CDC42BPB: variants seen among roughly 807,000 people sequenced by gnomAD.
CDC42BPB encodes serine/threonine-protein kinase MRCK beta.
Under a neutral mutation model 214.9 loss-of-function variants are expected in CDC42BPB, and 37 were observed. The observed-to-expected ratio is 0.17, with a 90% confidence interval of 0.13 to 0.23. The LOEUF (loss-of-function observed/expected upper bound fraction) is 0.23, where lower values mean the gene tolerates loss of function less well. Ranked by LOEUF, CDC42BPB falls within the 10% of genes least tolerant of loss-of-function variation. The pLI is 1.00. For synonymous variants in CDC42BPB, 931 were observed against 884.0 expected, an observed-to-expected ratio of 1.05 and a Z score of -0.94; for missense variants, 1,694 against 2,227.0, an observed-to-expected ratio of 0.76 and a Z score of 4.82.
At position 102,972,060 on chromosome 14, in the gene CDC42BPB, G is replaced by T. The variant is rs778791236; in HGVS notation, c.1743C>A (p.Asn581Lys). 4 of 1,614,244 alleles carry T rather than the reference G, an allele frequency of 2.5e-6. No individual in the cohort carries two copies. The highest frequency in any genetic ancestry group is 3.4e-6 in the Non-Finnish European group (4 of 1,180,050). The change falls in exon 13 of 37, where the codon AAC becomes AAA. Residue 581 changes from asparagine (N) to lysine (K), a missense_variant. Physicochemically the swap from Asn to Lys is moderately conservative, Grantham distance 94. Transcript: ENST00000361246. Reference sequence around the variant, plus strand: ...GGGCACGGAGCTCTGCCATGCGCTCGTTCAGCTCCGAGAACTCCTGCAGGG... The same window carrying T: ...GGGCACGGAGCTCTGCCATGCGCTCTTTCAGCTCCGAGAACTCCTGCAGGG... ...KLALQEFSELNERMAELRAQK... is the reference protein window; with the variant it reads ...KLALQEFSELKERMAELRAQK...
At chr14:103,012,221 T>C in intron 1 of CDC42BPB, 33 bp from the exon 2 acceptor site, 2 of 1,565,718 alleles carry the variant, frequency 1.3e-6, no homozygotes, top group Non-Finnish European at 1.8e-6. Context: ...AACAATTTAG[T>C]CTAATCAGTT....
At position 102,959,687 on chromosome 14, in the gene CDC42BPB, C is replaced by A. The variant is rs1469832334; in HGVS notation, c.2845G>T (p.Asp949Tyr). The A allele has an allele frequency of 6.2e-6, 10 of 1,612,220 alleles. No homozygotes were observed. Among genetic ancestry groups the A allele is most frequent in the Non-Finnish European group, 8.5e-6 (10 of 1,179,508 alleles). Residue 949 changes from aspartate (D) to tyrosine (Y), a missense_variant, in exon 21 of 37, where the codon GAT becomes TAT. Physicochemically the swap from Asp to Tyr is radical, Grantham distance 160 (BLOSUM62 -3). Around this residue, in one of 7 missense-constraint regions of CDC42BPB, gnomAD observed 156 missense variants for 154.5 expected, o/e 1.01. Transcript: ENST00000361246. ...DTGLKLPDFQ[D>Y]SIFEYFNTAP... is the part of the protein sequence containing the mutation. ...GTGTTGAAATACTCAAAAATGGAAT[C>A]CTGAAAATCTGGAAGTTTGAGCCCT...
intron 1 of CDC42BPB, among the ~76,000 whole-genome samples, chr14:103,031,563 G>A (rs1887377356): frequency 1.3e-5 from 2 of 152,142 alleles, no homozygotes; most frequent in South Asian, 2.1e-4. Context: ...ATACTACCAG[G>A]GTTTATTTGA....
chr14:103,047,424 T>A (rs1888355147), intron 1 of CDC42BPB, among the ~76,000 whole-genome samples: 1 of 151,982 alleles, frequency 6.6e-6, no homozygotes, highest in Non-Finnish European at 1.5e-5. Context: ...CCTGAAAGCT[T>A]CCAGAGATTT....
At chr14:102,946,121 G>A (rs921300011) in intron 28 of CDC42BPB, among the ~76,000 whole-genome samples, 3 of 152,066 alleles carry the variant, frequency 2.0e-5, no homozygotes, top group Non-Finnish European at 4.4e-5. Context: ...CTGTTCTCCC[G>A]CCTCAGTCTC....
chr14:102,964,270 A>G (rs1224012196), intron 19 of CDC42BPB, among the ~76,000 whole-genome samples: 1 of 152,118 alleles, frequency 6.6e-6, no homozygotes, highest in Non-Finnish European at 1.5e-5. Flanking sequence ...GCACCGCACC[A>G]CACCCCCCCG....
intron 7 of CDC42BPB, 150 bp downstream of exon 7, chr14:102,983,406 A>C: frequency 8.2e-7 from 1 of 1,219,908 alleles, no homozygotes. Context: ...GTCTACTCCA[A>C]TCTGCCTGTC....
chr14:103,032,535 C>CAAAA (rs570009408), intron 1 of CDC42BPB, among the ~76,000 whole-genome samples: 4 of 45,028 alleles, frequency 8.9e-5, no homozygotes, highest in Non-Finnish European at 2.4e-4. Context: ...AAATAAACTG[C>CAAAA]AAAAAAAAAA....
intron 6 of CDC42BPB, among the ~76,000 whole-genome samples, chr14:102,985,624 G>A (rs973281642): frequency 7.9e-5 from 12 of 152,216 alleles, no homozygotes; most frequent in African/African-American, 2.9e-4. Context: ...CTTATAAAAC[G>A]CTGTCAACTG....
At chr14:102,956,491 AG>A in intron 21 of CDC42BPB, 1 of 909,430 alleles carries the variant, frequency 1.1e-6, no homozygotes, top group Non-Finnish European at 1.3e-6. Flanking sequence ...CCCCTGATGG[AG>A]GGTTTTTTCT....
chr14:102,999,776 A>G lies in CDC42BPB; in HGVS notation c.448-63T>C. The G allele has an allele frequency of 2.5e-6, 4 of 1,594,928 alleles. No homozygotes were observed. In the Admixed American group the frequency reaches 6.8e-5, roughly 27 times the overall value. ...TTAGTCACCACTAAACCTGACAGTT[A>G]CAGGCCAGTCTTCCATGGCGAGGTT... On this transcript the variant is annotated intron_variant, in intron 4 of 36. Coordinates refer to ENST00000361246, the MANE Select transcript of CDC42BPB (RefSeq NM_006035.4).
chr14:103,000,143 T>A (rs957818510), intron 4 of CDC42BPB, among the ~76,000 whole-genome samples: 12 of 152,220 alleles, frequency 7.9e-5, no homozygotes, highest in Non-Finnish European at 1.8e-4. Flanking sequence ...ACACATGGTA[T>A]CAGCAGTTCT....
In CDC42BPB at chr14:102,975,821, A is replaced by G. The variant is rs1893713825; in HGVS notation, c.1388-18T>C. On this transcript the variant is annotated intron_variant, in intron 10 of 36. Transcript: ENST00000361246. ...GGTGGACTCTGAGGGATGGAGAGAC[A>G]GCGTGAGGTGCAGCCTGGCCGCAGC... 6 of 1,614,020 alleles carry G rather than the reference A, an allele frequency of 3.7e-6. No homozygotes were observed. The highest frequency in any genetic ancestry group is 4.2e-6 in the Non-Finnish European group (5 of 1,179,980).
In CDC42BPB at chr14:103,043,443, G is replaced by A. The variant is rs548962346; in HGVS notation, c.175+13556C>T. The stretch of plus-strand genomic sequence containing the variant: ...TCATGAAAGACCCATATTATATGAC[G>A]CCACTTACAGAAAATACCCAGAACA... On this transcript the variant is annotated intron_variant, in intron 1 of 36. Coordinates refer to ENST00000361246, the MANE Select transcript of CDC42BPB (RefSeq NM_006035.4). Among the ~76,000 whole-genome samples the A allele has an allele frequency of 6.6e-5, 10 of 152,208 alleles. No homozygotes were observed. The East Asian group carries it at 1.5e-3, about 23-fold the overall frequency.
At chr14:102,980,697 T>C in intron 8 of CDC42BPB, 76 bp downstream of exon 8, 1 of 1,412,368 alleles carries the variant, frequency 7.1e-7, no homozygotes, top group Non-Finnish European at 9.9e-7. Flanking sequence ...ACTGACTTGA[T>C]AAGCAACGCC....
intron 13 of CDC42BPB, chr14:102,970,558 A>T (rs745678405): frequency 5.7e-6 from 1 of 173,962 alleles, no homozygotes; most frequent in South Asian, 1.9e-4. Context: ...AGTACTTTTG[A>T]TATCTGTAGA....
At chr14:102,999,750 T>C in intron 4 of CDC42BPB, 37 bp from the exon 5 acceptor site, 1 of 1,613,102 alleles carries the variant, frequency 6.2e-7, no homozygotes, top group Non-Finnish European at 8.5e-7. Flanking sequence ...GAATACCACA[T>C]TTAGTCACCA....
intron 19 of CDC42BPB, among the ~76,000 whole-genome samples, chr14:102,963,682 A>C (rs528276599): frequency 2.0e-5 from 3 of 152,234 alleles, no homozygotes; most frequent in East Asian, 1.9e-4. Flanking sequence ...ACAGTGGGCA[A>C]ATCACCTGCG....
chr14:102,935,607 T>C (rs1250621374), intron 36 of CDC42BPB, among the ~76,000 whole-genome samples: 8 of 151,808 alleles, frequency 5.3e-5, no homozygotes, highest in Admixed American at 5.3e-4. Context: ...CTGGCCAACA[T>C]GGTGAAACCC....
Sources: gnomAD v4.1 joint callset for allele counts (sites outside exome capture counted in the v4.1 genomes callset) on GRCh38, gnomAD v4.1.1 for gene constraint, gnomAD v4.1.1 regional missense constraint, MANE v1.5 for transcripts, NCBI Gene and HGNC (gene_info 2026-07-23, HGNC 2026-07-21) for gene names.